Variants in VAV3 observed in about 807,000 individuals in gnomAD.
The protein encoded by VAV3 is guanine nucleotide exchange factor VAV3.
Under a neutral mutation model 131.2 loss-of-function variants are expected in VAV3, and 94 were observed. The observed-to-expected ratio is 0.72, with a 90% CI of 0.61 to 0.85. The LOEUF is 0.85. VAV3 is among the 40% of genes least tolerant of loss of function. The pLI is 0.00. For missense variants in VAV3, 939 were observed against 1,002.7 expected, an observed-to-expected ratio of 0.94 and a Z score of 0.86; for synonymous variants, 349 against 342.0, an observed-to-expected ratio of 1.02 and a Z score of -0.22.
At chr1:107,824,375 T>C (rs1287913214) in intron 2 of VAV3, among the ~76,000 whole-genome samples, 1 of 152,180 alleles carries the variant, frequency 6.6e-6, no homozygotes, top group African/African-American at 2.4e-5. Context: ...TGTTTTACAG[T>C]GAAGGAAACT....
At position 107,751,202 on chromosome 1, in the gene VAV3, T is replaced by C; in HGVS notation, c.1174A>G (p.Asn392Asp). 6.2e-7 allele frequency: 1 copy of C among 1,608,474 alleles called. No homozygotes were observed. ...KQFQLSIENL[N>D]QPVLLFGRPQ... ...CGTCCAAAAAGCAAAACTGGTTGGTTCTAAAATATAAAATGCACATGTCAG... is the reference window on the plus strand; with the variant it reads ...CGTCCAAAAAGCAAAACTGGTTGGTCCTAAAATATAAAATGCACATGTCAG... The change falls in exon 13 of 27, where the codon AAC becomes GAC. Residue 392 changes from asparagine to aspartate, a missense_variant and splice_region_variant. Physicochemically the swap from Asn to Asp is conservative, Grantham distance 23 (BLOSUM62 1). Coordinates refer to ENST00000370056, the MANE Select transcript of VAV3 (RefSeq NM_006113.5).
intron 22 of VAV3, among the ~76,000 whole-genome samples, chr1:107,604,993 G>C (rs1334768470): frequency 6.6e-6 from 1 of 152,084 alleles, no homozygotes; most frequent in Admixed American, 6.6e-5. Flanking sequence ...CTCCTTTATA[G>C]TGCTGTTCCT....
In VAV3 at chr1:107,906,249, T is replaced by C. The variant is rs190405868; in HGVS notation, c.205-31232A>G. Among the ~76,000 whole-genome samples, 136 of 151,892 alleles carry C rather than the reference T, an allele frequency of 9.0e-4. 2 individuals carry two copies. The highest frequency in any genetic ancestry group is 1.7e-3 in the Non-Finnish European group (115 of 67,952). On this transcript the variant is annotated intron_variant, in intron 1 of 26. Transcript: ENST00000370056. ...AGCCACAACCCTAAGCCAAGGCTTG[T>C]TTTGTTTTGTTTTGTTTTGTTTTGT...
chr1:107,629,860 A>G (rs1436051296), intron 20 of VAV3, among the ~76,000 whole-genome samples: 4 of 152,170 alleles, frequency 2.6e-5, no homozygotes, highest in African/African-American at 9.7e-5. Context: ...GTAGAGGATA[A>G]TTTGTATTCT....
chr1:107,695,471 T>C (rs2494057), intron 17 of VAV3, among the ~76,000 whole-genome samples: 131,026 of 152,122 alleles, frequency 0.86, 56,611 homozygotes, highest in Middle Eastern at 0.96. Context: ...GTGGAAGACG[T>C]TGACACCCAG....
At chr1:107,796,469 A>G (rs1033380360) in intron 2 of VAV3, among the ~76,000 whole-genome samples, 1 of 152,154 alleles carries the variant, frequency 6.6e-6, no homozygotes, top group Non-Finnish European at 1.5e-5. Flanking sequence ...ATATATATTC[A>G]TATTCCAGAA....
intron 1 of VAV3, among the ~76,000 whole-genome samples, chr1:107,923,452 A>G (rs1673013228): frequency 6.6e-6 from 1 of 152,184 alleles, no homozygotes; most frequent in African/African-American, 2.4e-5. Flanking sequence ...TAGTGACCTT[A>G]TAAAATAGGC....
intron 1 of VAV3, among the ~76,000 whole-genome samples, chr1:107,922,635 T>C (rs1039825084): frequency 8.5e-5 from 13 of 152,186 alleles, no homozygotes; most frequent in African/African-American, 2.9e-4. Flanking sequence ...GTGTGACTCA[T>C]GTACAATAAA....
chr1:107,614,216 T>G (rs1178270828), intron 21 of VAV3, among the ~76,000 whole-genome samples: 3 of 152,016 alleles, frequency 2.0e-5, no homozygotes, highest in Non-Finnish European at 4.4e-5. Context: ...TTGCTAGAAA[T>G]GAAGTTGACC....
At chr1:107,881,912 C>T (rs1278391837) in intron 1 of VAV3, among the ~76,000 whole-genome samples, 4 of 152,198 alleles carry the variant, frequency 2.6e-5, no homozygotes, top group African/African-American at 7.2e-5. Flanking sequence ...AAGTTCACTA[C>T]AAAACTCTGA....
At chr1:107,611,484 A>G (rs1238311697) in intron 21 of VAV3, among the ~76,000 whole-genome samples, 1 of 152,038 alleles carries the variant, frequency 6.6e-6, no homozygotes, top group East Asian at 1.9e-4. Flanking sequence ...ATGACAAGAT[A>G]TACATGGCTT....
chr1:107,593,262 A>G (rs1651111416), intron 25 of VAV3, among the ~76,000 whole-genome samples: 1 of 152,170 alleles, frequency 6.6e-6, no homozygotes, highest in African/African-American at 2.4e-5. Context: ...CACATTGTAC[A>G]TACTTGAAAA....
intron 2 of VAV3, among the ~76,000 whole-genome samples, chr1:107,840,128 A>G (rs540273401): frequency 1.3e-5 from 2 of 152,224 alleles, no homozygotes; most frequent in Non-Finnish European, 2.9e-5. Flanking sequence ...AATAGAAAGA[A>G]TACTTCCTAA....
At chr1:107,699,835 A>G (rs1390772990) in intron 17 of VAV3, among the ~76,000 whole-genome samples, 1 of 152,084 alleles carries the variant, frequency 6.6e-6, no homozygotes, top group African/African-American at 2.4e-5. Flanking sequence ...GGACAAGTGG[A>G]GATTTATAGC....
Position 107,596,322 on chromosome 1 carries a change from T to A in VAV3, c.2240A>T (p.Lys747Met). ...GAACCCTTCCTTGAGAGAATGATGC[T>A]TGTAGTACTCCACAAGTTCCTTTGG... ...KSLMELVEYY[K>M]HHSLKEGFRT... is the part of the protein sequence containing the mutation. Residue 747 changes from lysine to methionine, a missense_variant, in exon 25 of 27, where the codon AAG becomes ATG. Physicochemically the swap from Lys to Met is moderately conservative, Grantham distance 95 (BLOSUM62 -1). Transcript: ENST00000370056. 6.2e-7 allele frequency: 1 copy of A among 1,612,624 alleles called. No individual in the cohort carries two copies.
chr1:107,704,074 T>C (rs1236033049), intron 17 of VAV3, among the ~76,000 whole-genome samples: 1 of 152,176 alleles, frequency 6.6e-6, no homozygotes, highest in Non-Finnish European at 1.5e-5. Flanking sequence ...AAAATGACAA[T>C]GTATTCAATT....
At chr1:107,792,992 T>C (rs1251047818) in intron 2 of VAV3, among the ~76,000 whole-genome samples, 1 of 152,196 alleles carries the variant, frequency 6.6e-6, no homozygotes, top group Non-Finnish European at 1.5e-5. Context: ...ATATTTATAT[T>C]ATTTAAAATT....
chr1:107,632,600 C>A (rs929931055), intron 20 of VAV3, among the ~76,000 whole-genome samples: 13 of 152,154 alleles, frequency 8.5e-5, no homozygotes, highest in African/African-American at 2.9e-4. Flanking sequence ...GTATGGGAAA[C>A]ACTAGATGAA....
At chr1:107,847,590 C>T (rs1669028928) in intron 2 of VAV3, among the ~76,000 whole-genome samples, 1 of 152,122 alleles carries the variant, frequency 6.6e-6, no homozygotes, top group African/African-American at 2.4e-5. Context: ...AAGGGGATAT[C>T]ACCACTGATT....
Sources: gnomAD v4.1 joint callset for allele counts (sites outside exome capture counted in the v4.1 genomes callset) on GRCh38, gnomAD v4.1.1 for gene constraint, MANE v1.5 for transcripts, NCBI Gene and HGNC (gene_info 2026-07-23, HGNC 2026-07-21) for gene names.